Variants in RECQL observed in about 807,000 individuals in gnomAD.
The protein encoded by RECQL is RecQ like helicase.
In RECQL, 73 loss-of-function variants were observed where a neutral mutation model predicts 75.8. The observed-to-expected ratio is 0.96, with a 90% CI of 0.80 to 1.17. The LOEUF is 1.17. Among genes scored for constraint, RECQL ranks in the 50% most tolerant of loss-of-function variants. RECQL has a pLI of 0.00. For missense variants in RECQL, 699 were observed against 772.1 expected, an observed-to-expected ratio of 0.91 and a Z score of 1.12; for synonymous variants, 248 against 254.4, an observed-to-expected ratio of 0.97 and a Z score of 0.24.
At chr12:21,492,610 T>C (rs1033503984) in intron 2 of RECQL, among the ~76,000 whole-genome samples, 3 of 152,246 alleles carry the variant, frequency 2.0e-5, no homozygotes, top group African/African-American at 7.2e-5. Context: ...AAGTGAACTC[T>C]GCATGAGATT....
At chr12:21,486,884 G>A (rs765011597) in intron 4 of RECQL, among the ~76,000 whole-genome samples, 1 of 151,784 alleles carries the variant, frequency 6.6e-6, no homozygotes, top group Non-Finnish European at 1.5e-5. Flanking sequence ...TGTTGCCCAG[G>A]CTGGTCTCAA....
chr12:21,473,388 T>C (rs537949914), intron 12 of RECQL, among the ~76,000 whole-genome samples, 163 bp downstream of exon 12: 68 of 152,248 alleles, frequency 4.5e-4, no homozygotes, highest in African/African-American at 1.6e-3. Context: ...CAATAGGCTA[T>C]AACATATCAC....
At chr12:21,490,725 G>A (rs931835699) in intron 3 of RECQL, among the ~76,000 whole-genome samples, 3 of 152,034 alleles carry the variant, frequency 2.0e-5, no homozygotes, top group Admixed American at 6.6e-5. Flanking sequence ...GTGGTTCTGT[G>A]CACCTGTAGT....
chr12:21,470,228 G>A lies in RECQL; in HGVS notation c.1916C>T (p.Thr639Ile). 1 of 1,608,966 alleles carries A rather than the reference G, an allele frequency of 6.2e-7. No individual in the cohort carries two copies. The highest frequency in any genetic ancestry group is 1.1e-5 in the South Asian group (1 of 90,178). ...ATCGATTTTTCTTTTCTTAGCTCCTGTATTCTTAGAACCAGATTGCTGAAG... is the reference window on the plus strand; with the variant it reads ...ATCGATTTTTCTTTTCTTAGCTCCTATATTCTTAGAACCAGATTGCTGAAG... ...NMLQQSGSKNTGAKKRKIDDA is the reference protein window; with the variant it reads ...NMLQQSGSKNIGAKKRKIDDA The change falls in exon 15 of 15, where the codon ACA becomes ATA. Residue 639 changes from threonine (T) to isoleucine (I), a missense_variant. Coordinates refer to ENST00000444129, the MANE Select transcript of RECQL (RefSeq NM_002907.4).
intron 13 of RECQL, 114 bp from the exon 14 acceptor site, chr12:21,471,212 T>C (rs1942951307): frequency 1.7e-6 from 2 of 1,159,346 alleles, no homozygotes; most frequent in African/African-American, 3.2e-5. Context: ...CTTGAAATAA[T>C]AAAATTTACA....
chr12:21,488,716 T>C (rs1242575634), intron 4 of RECQL, among the ~76,000 whole-genome samples: 1 of 152,166 alleles, frequency 6.6e-6, no homozygotes, highest in Non-Finnish European at 1.5e-5. Context: ...AAGCAATAAA[T>C]ACCAAGTCCC....
chr12:21,470,648 G>C, intron 14 of RECQL: 1 of 317,130 alleles, frequency 3.2e-6, no homozygotes, highest in Non-Finnish European at 5.7e-6. Flanking sequence ...CTAACCACTG[G>C]AACAGCAGAA....
intron 4 of RECQL, 131 bp from the exon 5 acceptor site, chr12:21,486,716 G>GCTA (rs1412618330): frequency 9.3e-6 from 7 of 751,866 alleles, no homozygotes; most frequent in Non-Finnish European, 1.4e-5. Flanking sequence ...TCTTGCCCAG[G>GCTA]CTAGAGTGCA....
rs1015267023 is a variant in RECQL at position 21,483,510 on chromosome 12, A to C, written c.566T>G (p.Val189Gly). 1.9e-6 allele frequency: 3 copies of C among 1,586,790 alleles called. No homozygotes were observed. Among genetic ancestry groups the C allele is most frequent in the South Asian group, 1.2e-5 (1 of 85,936 alleles). ...NKNSELKLIYVTPEKIAKSKM... is the reference protein window; with the variant it reads ...NKNSELKLIYGTPEKIAKSKM... ...GCTTTTTGCAATTTTCTCTGGAGTC[A>C]CATAAATCAGCTTTAACTCGGAGTT... The change falls in exon 6 of 15, where the codon GTG becomes GGG. Residue 189 changes from valine (V) to glycine (G), a missense_variant. Val to Gly is a moderately radical substitution (Grantham distance 109, BLOSUM62 -3). This residue lies in a region of RECQL where 669 missense variants were observed against 713.5 expected (regional missense o/e 0.94). Transcript: ENST00000444129.
intron 2 of RECQL, among the ~76,000 whole-genome samples, chr12:21,492,029 C>A (rs115367602): frequency 6.6e-6 from 1 of 152,090 alleles, no homozygotes; most frequent in African/African-American, 2.4e-5. Flanking sequence ...GAGTTCTAGA[C>A]GCAGTACCTG....
At chr12:21,486,050 A>G (rs1334350136) in intron 5 of RECQL, among the ~76,000 whole-genome samples, 3 of 152,230 alleles carry the variant, frequency 2.0e-5, no homozygotes, top group Admixed American at 6.5e-5. Flanking sequence ...AAAACAGGTC[A>G]GCAAATGTTT....
At chr12:21,497,634 G>A (rs1041980646) in intron 2 of RECQL, among the ~76,000 whole-genome samples, 2 of 152,240 alleles carry the variant, frequency 1.3e-5, no homozygotes, top group African/African-American at 4.8e-5. Context: ...AATGGTCAGA[G>A]TGTGAAGGTA....
intron 6 of RECQL, among the ~76,000 whole-genome samples, chr12:21,480,403 C>T (rs1039350144): frequency 1.1e-4 from 16 of 152,100 alleles, no homozygotes; most frequent in East Asian, 1.9e-4. Flanking sequence ...GTATGTAAGA[C>T]GTAGGTGCAC....
rs978296880 is a variant in RECQL, at chr12:21,471,319, G to C, written c.1667+109C>G. The C allele has an allele frequency of 9.5e-6, 10 of 1,055,224 alleles. No homozygotes were observed. In the African/African-American group the frequency reaches 1.5e-4, roughly 16 times the overall value. The allele number at this position is 1,055,224 out of a possible 1,614,324, so 65.4% of individuals were successfully genotyped here. The stretch of plus-strand genomic sequence containing the variant: ...TGTTTTAGGTAAATTACTTTCTATA[G>C]CATTTAAAAGTTCACACAAAATAAC... On this transcript the variant is annotated intron_variant, in intron 13 of 14. Coordinates refer to ENST00000444129, the MANE Select transcript of RECQL (RefSeq NM_002907.4).
intron 4 of RECQL, among the ~76,000 whole-genome samples, chr12:21,487,012 A>C (rs1214639826): frequency 6.6e-6 from 1 of 152,160 alleles, no homozygotes; most frequent in Non-Finnish European, 1.5e-5. Context: ...CCATCAATTC[A>C]GATTAATTTT....
At position 21,477,988 on chromosome 12, in the gene RECQL, T is replaced by C; in HGVS notation, c.701-19A>G. The C allele has an allele frequency of 1.3e-6, 2 of 1,588,046 alleles. No individual in the cohort carries two copies. The highest frequency in any genetic ancestry group is 1.4e-5 in the African/African-American group (1 of 73,504). ...TTATAATCTGAAAAAACAAACAAAGTGGCCCTTTTTCTATCCTTTAAGAGT... is the reference window on the plus strand; with the variant it reads ...TTATAATCTGAAAAAACAAACAAAGCGGCCCTTTTTCTATCCTTTAAGAGT... On this transcript the variant is annotated intron_variant, in intron 6 of 14. Transcript: ENST00000444129.
At chr12:21,475,225 T>C (rs1279444751) in intron 10 of RECQL, among the ~76,000 whole-genome samples, 1 of 151,968 alleles carries the variant, frequency 6.6e-6, no homozygotes, top group Non-Finnish European at 1.5e-5. Context: ...AAATCACTAA[T>C]TAAAAATTCA....
Position 21,490,194 on chromosome 12 carries a change from C to T in RECQL, c.394+5G>A. 1 of 1,584,182 alleles carries T rather than the reference C, an allele frequency of 6.3e-7. No individual in the cohort carries two copies. Among genetic ancestry groups the T allele is most frequent in the South Asian group, 1.1e-5 (1 of 87,542 alleles). ...CAACTCAAAATTAATTTTTTTAGTA[C>T]ATACCATCTGAACATAATGCTGGTA... On this transcript the variant is annotated splice_donor_5th_base_variant and intron_variant, in intron 4 of 14. Transcript: ENST00000444129.
chr12:21,486,784 C>T (rs1398207893), intron 4 of RECQL, among the ~76,000 whole-genome samples, 199 bp from the exon 5 acceptor site: 2 of 150,022 alleles, frequency 1.3e-5, no homozygotes, highest in Non-Finnish European at 3.0e-5. Context: ...AATTCTCCTG[C>T]CTCAGCCTCC....
Sources: allele counts gnomAD v4.1 joint callset (sites outside exome capture counted in the v4.1 genomes callset), GRCh38; gene constraint gnomAD v4.1.1; regional missense constraint gnomAD v4.1.1; transcripts MANE v1.5; gene names NCBI Gene and HGNC (gene_info 2026-07-23, HGNC 2026-07-21).